The following HS6ST3 variants were observed in gnomAD, a reference collection of about 807,000 sequenced individuals.
HS6ST3 encodes the protein heparan sulfate 6-O-sulfotransferase 3, also known as heparan-sulfate 6-O-sulfotransferase 3.
A neutral mutation model predicts 36.7 loss-of-function variants in HS6ST3; 12 were observed. That is an observed-to-expected ratio of 0.33 (90% CI 0.21 to 0.53). The LOEUF (loss-of-function observed/expected upper bound fraction) is 0.53, where lower values mean the gene tolerates loss of function less well. Among genes scored for constraint, HS6ST3 ranks in the 20% least tolerant of loss-of-function variants. HS6ST3 has a pLI of 0.95. For missense variants in HS6ST3, 584 were observed against 640.9 expected, an observed-to-expected ratio of 0.91 and a Z score of 0.96; for synonymous variants, 240 against 257.5, an observed-to-expected ratio of 0.93 and a Z score of 0.65.
rs2053759136 is a variant in HS6ST3, at chr13:96,090,992, G to T, written c.130G>T (p.Gly44Trp). Residue 44 changes from glycine (G) to tryptophan (W), a missense_variant, in exon 1 of 2, where the codon GGG (glycine) becomes TGG (tryptophan). By Grantham distance (184) the Gly-to-Trp change is radical. Transcript: ENST00000376705. Reference protein sequence around the residue: ...CTNFGEQPRAGEAGPPAVPGP... With the variant: ...CTNFGEQPRAWEAGPPAVPGP... Reference sequence around the variant, plus strand: ...CAACTTCGGGGAGCAGCCCCGCGCGGGGGAGGCCGGCCCGCCCGCCGTCCC... The same window carrying T: ...CAACTTCGGGGAGCAGCCCCGCGCGTGGGAGGCCGGCCCGCCCGCCGTCCC... The T allele has an allele frequency of 1.5e-6, 2 of 1,331,468 alleles. No individual in the cohort carries two copies. The highest frequency in any genetic ancestry group is 1.9e-6 in the Non-Finnish European group (2 of 1,033,592). 82.5% of individuals were successfully genotyped at this position (1,331,468 alleles called of 1,614,324 possible).
chr13:96,571,408 G>A lies in HS6ST3; in HGVS notation c.708-261082G>A, dbSNP rs572981006. Among the ~76,000 whole-genome samples, 7 of 152,206 alleles carry A rather than the reference G, an allele frequency of 4.6e-5. No homozygotes were observed. In the East Asian group the frequency reaches 1.4e-3, roughly 29 times the overall value. ...ATTGTATCTATGTCAATATAAATAA[G>A]GTCAATGATAAACAATATCAGCAAG... On this transcript the variant is annotated intron_variant, in intron 1 of 1. Transcript: ENST00000376705.
At chr13:96,811,290 T>C (rs16953592) in intron 1 of HS6ST3, among the ~76,000 whole-genome samples, 4,240 of 152,194 alleles carry the variant, frequency 0.028, 66 homozygotes, top group Middle Eastern at 0.027. Flanking sequence ...CAGGAAGAAA[T>C]GGTCCTATTT....
intron 1 of HS6ST3, among the ~76,000 whole-genome samples, chr13:96,672,573 C>T (rs114155031): frequency 0.056 from 8,526 of 152,168 alleles, 267 homozygotes; most frequent in Middle Eastern, 0.085. Context: ...GTTCATTGCT[C>T]TCCTATGTTG....
chr13:96,203,898 C>G (rs953607742), intron 1 of HS6ST3, among the ~76,000 whole-genome samples: 1 of 152,152 alleles, frequency 6.6e-6, no homozygotes, highest in Non-Finnish European at 1.5e-5. Flanking sequence ...TCTACCCTCA[C>G]AAAGATTACT....
At chr13:96,625,241 T>A (rs930503634) in intron 1 of HS6ST3, among the ~76,000 whole-genome samples, 1 of 152,234 alleles carries the variant, frequency 6.6e-6, no homozygotes, top group Non-Finnish European at 1.5e-5. Context: ...GAATGTCTTA[T>A]GCTGATGGGC....
intron 1 of HS6ST3, among the ~76,000 whole-genome samples, chr13:96,568,289 C>T (rs1260567695): frequency 6.6e-6 from 1 of 152,086 alleles, no homozygotes; most frequent in Non-Finnish European, 1.5e-5. Flanking sequence ...TTTTTTGAGA[C>T]AGAGTCTTGC....
chr13:96,763,455 C>T (rs1433320965), intron 1 of HS6ST3, among the ~76,000 whole-genome samples: 1 of 150,740 alleles, frequency 6.6e-6, no homozygotes, highest in Non-Finnish European at 1.5e-5. Context: ...GGTGCCACTG[C>T]ACTCCAGCCT....
intron 1 of HS6ST3, among the ~76,000 whole-genome samples, chr13:96,762,532 G>A (rs1163823050): frequency 6.6e-6 from 1 of 152,140 alleles, no homozygotes; most frequent in African/African-American, 2.4e-5. Flanking sequence ...GACACAAACT[G>A]TAAACATTTC....
At chr13:96,549,355 A>G (rs1420246024) in intron 1 of HS6ST3, among the ~76,000 whole-genome samples, 1 of 152,210 alleles carries the variant, frequency 6.6e-6, no homozygotes, top group Non-Finnish European at 1.5e-5. Flanking sequence ...TAGATAGTTT[A>G]TCAGACTGGG....
At chr13:96,215,255 C>T (rs147809908) in intron 1 of HS6ST3, among the ~76,000 whole-genome samples, 156 of 152,296 alleles carry the variant, frequency 1.0e-3, no homozygotes, top group South Asian at 8.3e-3. Context: ...TCCCTCCTTG[C>T]GATGTGTCAT....
At chr13:96,191,888 A>C (rs2054290159) in intron 1 of HS6ST3, among the ~76,000 whole-genome samples, 1 of 152,210 alleles carries the variant, frequency 6.6e-6, no homozygotes, top group Admixed American at 6.5e-5. Flanking sequence ...GATATAATAT[A>C]AGCTGTTTCT....
chr13:96,333,971 G>A (rs749619512), intron 1 of HS6ST3, among the ~76,000 whole-genome samples: 1 of 152,098 alleles, frequency 6.6e-6, no homozygotes, highest in Non-Finnish European at 1.5e-5. Flanking sequence ...GAATAATTCT[G>A]CAGGTTCTGG....
At chr13:96,536,787 T>A (rs1028571530) in intron 1 of HS6ST3, among the ~76,000 whole-genome samples, 4 of 152,184 alleles carry the variant, frequency 2.6e-5, no homozygotes, top group African/African-American at 7.2e-5. Context: ...ATACTTTCTC[T>A]GGAGATGTTT....
intron 1 of HS6ST3, among the ~76,000 whole-genome samples, chr13:96,444,720 C>T (rs1397068676): frequency 6.6e-6 from 1 of 152,136 alleles, no homozygotes; most frequent in East Asian, 1.9e-4. Context: ...AGGACTTGAA[C>T]ATGATAAAGA....
intron 1 of HS6ST3, among the ~76,000 whole-genome samples, chr13:96,118,688 ATTTTTTTTTTTTTTTT>A (rs149786144): frequency 6.4e-5 from 2 of 31,182 alleles, no homozygotes; most frequent in African/African-American, 1.3e-4. Context: ...ATATATATAT[ATTTTTTTTTTTTTTTT>A]TTTTTTTTTT....
intron 1 of HS6ST3, among the ~76,000 whole-genome samples, chr13:96,149,166 TC>T (rs1401799535): frequency 4.6e-5 from 7 of 152,082 alleles, no homozygotes. Flanking sequence ...TTGATAACTT[TC>T]ACATTAGAAC....
Position 96,280,917 on chromosome 13 carries a change from G to A in HS6ST3, c.707+189348G>A, listed in dbSNP as rs374221380. Reference sequence around the variant, plus strand: ...AGATTCAAGTCAAAGTAACAACAGGGGCTGTGAATTGTAGATACTGGTTTT... The same window carrying A: ...AGATTCAAGTCAAAGTAACAACAGGAGCTGTGAATTGTAGATACTGGTTTT... On this transcript the variant is annotated intron_variant, in intron 1 of 1. Coordinates refer to ENST00000376705, the MANE Select transcript of HS6ST3 (RefSeq NM_153456.4). 1.3e-4 allele frequency among the ~76,000 whole-genome samples: 20 copies of A among 152,192 alleles called. 2 individuals carry two copies. The highest frequency in any genetic ancestry group is 4.8e-4 in the African/African-American group (20 of 41,552).
chr13:96,466,168 C>T (rs2055812690), intron 1 of HS6ST3, among the ~76,000 whole-genome samples: 1 of 152,056 alleles, frequency 6.6e-6, no homozygotes, highest in African/African-American at 2.4e-5. Context: ...GTAATCCCAG[C>T]TACTCAGGAG....
intron 1 of HS6ST3, among the ~76,000 whole-genome samples, chr13:96,671,152 T>C (rs2138431158): frequency 6.6e-6 from 1 of 152,282 alleles, no homozygotes; most frequent in South Asian, 2.1e-4. Flanking sequence ...GCCTACCTGC[T>C]TCCACACAGG....
Sources: gnomAD v4.1 joint callset for allele counts (sites outside exome capture counted in the v4.1 genomes callset) on GRCh38, gnomAD v4.1.1 for gene constraint, MANE v1.5 for transcripts, NCBI Gene and HGNC (gene_info 2026-07-23, HGNC 2026-07-21) for gene names.